Variants in NXPE3 observed in about 807,000 individuals in gnomAD.
NXPE3 encodes the protein NXPE family member 3.
Under a neutral mutation model 46.1 loss-of-function variants are expected in NXPE3, and 26 were observed. That is an observed-to-expected ratio of 0.56 (90% CI 0.41 to 0.78). The LOEUF (loss-of-function observed/expected upper bound fraction) is 0.78. NXPE3 is among the 30% of genes least tolerant of loss of function. The probability of loss-of-function intolerance (pLI) is 0.00; values close to 1 mark genes in which losing one functional copy is unlikely to be tolerated. For synonymous variants in NXPE3, 272 were observed against 257.9 expected (o/e 1.05, Z -0.52); for missense variants, 620 against 686.0 (o/e 0.90, Z 1.07).
intron 1 of NXPE3, among the ~76,000 whole-genome samples, chr3:101,781,333 A>G (rs755717272): frequency 6.6e-6 from 1 of 152,218 alleles, no homozygotes; most frequent in Non-Finnish European, 1.5e-5. Context: ...CCCAGAGGAT[A>G]GGGTTGCTGT....
chr3:101,801,723 C>T lies in NXPE3; in HGVS notation c.582C>T (p.Ile194=), dbSNP rs140500702. The change falls in exon 5 of 8, where the codon ATC becomes ATT. Residue 194 remains isoleucine (I), a synonymous_variant. Transcript: ENST00000273347. ...CTCTGGTCCACCCCAGTGAAGGGAT[C>T]AGAGTTCTTCAGCGCTTACAGGAAG... ...SVSLVHPSEG[I]RVLQRLQEDK... The T allele has an allele frequency of 4.8e-5, 78 of 1,614,090 alleles. No homozygotes were observed. Among genetic ancestry groups the T allele is most frequent in the Non-Finnish European group, 6.3e-5 (74 of 1,180,040 alleles).
At chr3:101,780,194 C>T (rs1939728555) in intron 1 of NXPE3, among the ~76,000 whole-genome samples, 1 of 152,184 alleles carries the variant, frequency 6.6e-6, no homozygotes, top group Admixed American at 6.5e-5. Flanking sequence ...TTGAAACTGG[C>T]AGGACTCCCA....
In NXPE3 at chr3:101,808,852, T is replaced by TAC. The variant is rs1560057845; in HGVS notation, c.922+1727_922+1728insCA. On this transcript the variant is annotated intron_variant, in intron 6 of 7. Transcript: ENST00000273347. ...ATATATATATATATATATATATATA[T>TAC]ATATGAGACATTTATCTTTTATCTG... 4.5e-3 allele frequency among the ~76,000 whole-genome samples: 593 copies of TAC among 131,918 alleles called. 40 individuals are homozygous for TAC. Among genetic ancestry groups the TAC allele is most frequent in the South Asian group, 8.2e-3 (34 of 4,162 alleles). 86.5% of individuals were successfully genotyped at this position (131,918 alleles called of 152,430 possible). A position where few individuals can be genotyped will look rare whatever the true frequency, so the allele number is the denominator to read the frequency against.
rs776256654 is a variant in NXPE3, at chr3:101,801,334, T to A, written c.193T>A (p.Tyr65Asn). 1.9e-6 allele frequency: 3 copies of A among 1,614,236 alleles called. No individual in the cohort carries two copies. In the South Asian group the frequency reaches 3.3e-5, roughly 18 times the overall value. The change falls in exon 5 of 8, where the codon TAT (tyrosine) becomes AAT (asparagine). Residue 65 changes from tyrosine (Y) to asparagine (N), a missense_variant. Around this residue, in one of 3 missense-constraint regions of NXPE3, gnomAD observed 511 missense variants for 528.6 expected, o/e 0.97. Coordinates refer to ENST00000273347, the MANE Select transcript of NXPE3 (RefSeq NM_145037.4). Reference protein sequence around the residue: ...TGISRNPYCGYDQQTLSSQER... With the variant: ...TGISRNPYCGNDQQTLSSQER... ...AATTAGCCGAAATCCCTACTGTGGC[T>A]ATGATCAGCAGACCCTGTCCAGCCA...
rs1942395706 is a variant in NXPE3 at position 101,824,316 on chromosome 3, C to G, written c.*2362C>G. The G allele has an allele frequency of 6.6e-6, 1 of 152,038 alleles. No homozygotes were observed. Among genetic ancestry groups the G allele is most frequent in the Non-Finnish European group, 1.5e-5 (1 of 68,024 alleles). The allele number at this position is 152,038 out of a possible 1,614,324, so 9.4% of individuals were successfully genotyped here. A position where few individuals can be genotyped will look rare whatever the true frequency, so the allele number is the denominator to read the frequency against. On this transcript the variant is annotated 3_prime_UTR_variant, in exon 8 of 8. Transcript: ENST00000273347. ...AACTGGTTTAATTCTGTTCATGATC[C>G]AATAGTATTGGTGATATTAGCTCCA...
At chr3:101,816,000 A>G (rs1041660895) in intron 6 of NXPE3, among the ~76,000 whole-genome samples, 6 of 151,434 alleles carry the variant, frequency 4.0e-5, no homozygotes, top group African/African-American at 1.2e-4. Flanking sequence ...GTCTCGGAAA[A>G]AAAAAAAGCA....
chr3:101,818,748 TATATA>T (rs1249276590), intron 7 of NXPE3, among the ~76,000 whole-genome samples: 268 of 19,908 alleles, frequency 0.013, 3 homozygotes, highest in Middle Eastern at 0.025. Context: ...TATATATATA[TATATA>T]TTTTTTTTTT....
At chr3:101,800,972 A>G (rs182204633) in intron 4 of NXPE3, among the ~76,000 whole-genome samples, 8 of 152,272 alleles carry the variant, frequency 5.3e-5, no homozygotes, top group Admixed American at 4.6e-4. Context: ...TAAAACTCCA[A>G]TAGGCTAGGT....
chr3:101,789,716 A>C (rs1003221243), intron 4 of NXPE3, among the ~76,000 whole-genome samples: 1 of 151,588 alleles, frequency 6.6e-6, no homozygotes, highest in Non-Finnish European at 1.5e-5. Flanking sequence ...TTTGGCGACA[A>C]ATTTTCACTC....
intron 4 of NXPE3, among the ~76,000 whole-genome samples, chr3:101,786,657 T>G (rs1016623014): frequency 6.6e-6 from 1 of 152,234 alleles, no homozygotes; most frequent in Admixed American, 6.5e-5. Context: ...GCTTAAACTG[T>G]TCTTGTGTGT....
intron 4 of NXPE3, among the ~76,000 whole-genome samples, chr3:101,790,604 TTTTTTTG>T (rs1940453960): frequency 6.6e-6 from 1 of 152,122 alleles, no homozygotes; most frequent in Non-Finnish European, 1.5e-5. Context: ...TATTTTTTAT[TTTTTTTG>T]AGACAGGGTC....
intron 5 of NXPE3, among the ~76,000 whole-genome samples, chr3:101,806,391 C>T (rs1380338271): frequency 6.6e-6 from 1 of 152,170 alleles, no homozygotes; most frequent in Non-Finnish European, 1.5e-5. Context: ...TAATGCAGCC[C>T]TCCAAAAATA....
rs1940123368 is a variant in NXPE3 at position 101,785,636 on chromosome 3, C to T, written c.40C>T (p.Leu14=). 2 of 1,614,078 alleles carry T rather than the reference C, an allele frequency of 1.2e-6. No individual in the cohort carries two copies. Among genetic ancestry groups the T allele is most frequent in the East Asian group, 2.2e-5 (1 of 44,876 alleles). ...CTTCAAACTACGGCTTTTCTGCTGT[C>T]TGCTTGCAGTGTTGATGGTGGTGGT... ...NFFKLRLFCC[L]LAVLMVVVLV... Residue 14 remains leucine, a synonymous_variant, in exon 4 of 8, where the codon CTG becomes TTG. Coordinates refer to ENST00000273347, the MANE Select transcript of NXPE3 (RefSeq NM_145037.4).
chr3:101,798,821 C>T (rs982244991), intron 4 of NXPE3, among the ~76,000 whole-genome samples: 5 of 151,942 alleles, frequency 3.3e-5, no homozygotes, highest in Non-Finnish European at 5.9e-5. Flanking sequence ...ACCATGTTGC[C>T]CAGACTAGTC....
intron 7 of NXPE3, among the ~76,000 whole-genome samples, chr3:101,818,783 T>C (rs1228780173): frequency 8.1e-6 from 1 of 122,942 alleles, no homozygotes; most frequent in Admixed American, 8.4e-5. Flanking sequence ...TTTTTTTTTT[T>C]GAGATGGTGT....
intron 5 of NXPE3, among the ~76,000 whole-genome samples, chr3:101,804,893 A>G (rs1436630343): frequency 6.6e-6 from 1 of 152,264 alleles, no homozygotes; most frequent in Non-Finnish European, 1.5e-5. Context: ...CTTATCACCT[A>G]CAACATTTCC....
Position 101,788,761 on chromosome 3 carries a change from G to A in NXPE3, c.93+3072G>A, listed in dbSNP as rs563741891. Reference sequence around the variant, plus strand: ...CTCCCGAGTAGCTGGGATTACAGGCGTCTGCCACCATGCCCAGCTAATTTT... The same window carrying A: ...CTCCCGAGTAGCTGGGATTACAGGCATCTGCCACCATGCCCAGCTAATTTT... On this transcript the variant is annotated intron_variant, in intron 4 of 7. Transcript: ENST00000273347. 9.2e-5 allele frequency among the ~76,000 whole-genome samples: 14 copies of A among 151,998 alleles called. No homozygotes were observed. In the East Asian group the frequency reaches 9.7e-4, roughly 10 times the overall value.
intron 1 of NXPE3, chr3:101,781,676 A>G (rs536263059): frequency 6.6e-6 from 1 of 152,364 alleles, no homozygotes; most frequent in African/African-American, 2.4e-5. Context: ...CTGACATTTG[A>G]AAACAGGATC....
intron 6 of NXPE3, among the ~76,000 whole-genome samples, chr3:101,808,852 T>TATATATAC (rs1576766857): frequency 7.6e-6 from 1 of 131,928 alleles, no homozygotes; most frequent in Admixed American, 7.7e-5. Context: ...TATATATATA[T>TATATATAC]ATATGAGACA....
Sources: allele counts gnomAD v4.1 joint callset (sites outside exome capture counted in the v4.1 genomes callset), GRCh38; gene constraint gnomAD v4.1.1; regional missense constraint gnomAD v4.1.1; transcripts MANE v1.5; gene names NCBI Gene and HGNC (gene_info 2026-07-23, HGNC 2026-07-21).